Variants in OPN5 observed in about 807,000 individuals in gnomAD.
The protein encoded by OPN5 is opsin-5.
Under a neutral mutation model 41.7 loss-of-function variants are expected in OPN5, and 18 were observed. The observed-to-expected ratio is 0.43, with a 90% CI of 0.30 to 0.64. OPN5 has a LOEUF of 0.64. Among genes scored for constraint, OPN5 ranks in the 30% least tolerant of loss-of-function variants. The pLI is 0.13. For missense variants in OPN5, 318 were observed against 434.5 expected, an observed-to-expected ratio of 0.73 and a Z score of 2.38; for synonymous variants, 178 against 164.3, an observed-to-expected ratio of 1.08 and a Z score of -0.64.
At chr6:47,813,299 C>T (rs777549318) in intron 6 of OPN5, among the ~76,000 whole-genome samples, 1 of 152,188 alleles carries the variant, frequency 6.6e-6, no homozygotes, top group South Asian at 2.1e-4. Context: ...GGTTTGCACC[C>T]CTCCTCTGTG....
intron 4 of OPN5, among the ~76,000 whole-genome samples, chr6:47,800,029 C>T (rs1290348789): frequency 6.6e-6 from 1 of 152,062 alleles, no homozygotes; most frequent in African/African-American, 2.4e-5. Flanking sequence ...AACTTAGAAG[C>T]TGGGAAATGA....
intron 6 of OPN5, chr6:47,823,271 A>T (rs1762689284): frequency 6.6e-6 from 1 of 152,274 alleles, no homozygotes; most frequent in African/African-American, 2.4e-5. Context: ...CTTAAAGAAC[A>T]GATTAAGTTT....
chr6:47,784,653 G>A (rs762484873), intron 1 of OPN5, among the ~76,000 whole-genome samples: 1 of 152,152 alleles, frequency 6.6e-6, no homozygotes, highest in Non-Finnish European at 1.5e-5. Context: ...AACATTCTTG[G>A]TGGGCTTTGT....
At chr6:47,787,312 C>G (rs1236362251) in intron 2 of OPN5, 2 of 240,438 alleles carry the variant, frequency 8.3e-6, no homozygotes, top group South Asian at 1.5e-4. Context: ...AAATTGAGAA[C>G]CACTGGCTTC....
intron 4 of OPN5, among the ~76,000 whole-genome samples, chr6:47,803,962 G>A (rs1773868411): frequency 6.6e-6 from 1 of 152,160 alleles, no homozygotes; most frequent in Non-Finnish European, 1.5e-5. Flanking sequence ...ATTACCTGCT[G>A]GAATGCTTCA....
chr6:47,795,495 T>A (rs1471692820), exon 4 of OPN5: 5 of 1,614,120 alleles, frequency 3.1e-6, no homozygotes, highest in East Asian at 4.5e-5. Flanking sequence ...TAAGTCCTCT[T>A]CCAAAGAAGT....
chr6:47,794,330 A>G (rs765649437), intron 3 of OPN5, among the ~76,000 whole-genome samples: 9 of 152,210 alleles, frequency 5.9e-5, no homozygotes, highest in Non-Finnish European at 1.3e-4. Flanking sequence ...GGCAGTAAAG[A>G]GTCACTTTCC....
Position 47,808,402 on chromosome 6 carries a change from C to G in OPN5, c.998+7C>G, listed in dbSNP as rs1184069548. 4 of 1,613,684 alleles carry G rather than the reference C, an allele frequency of 2.5e-6. No homozygotes were observed. In the Admixed American group the frequency reaches 5.0e-5, roughly 20 times the overall value. ...AGTCTCTGGAAGGCTTCAGGTAAAA[C>G]TTCAGAAGCTGGAAATGAATTACAC... On this transcript the variant is annotated splice_region_variant and intron_variant, in intron 5 of 6. Transcript: ENST00000371211.
chr6:47,790,674 A>C (rs1053122397), intron 2 of OPN5, among the ~76,000 whole-genome samples: 1 of 152,208 alleles, frequency 6.6e-6, no homozygotes, highest in African/African-American at 2.4e-5. Context: ...AGTTGTCTAC[A>C]TCATTCTTTA....
chr6:47,787,730 C>T (rs569830800), intron 2 of OPN5, among the ~76,000 whole-genome samples: 2 of 152,176 alleles, frequency 1.3e-5, no homozygotes, highest in African/African-American at 4.8e-5. Context: ...AGTGGGACTT[C>T]ATCTCTACAA....
At chr6:47,794,616 G>C (rs991653390) in intron 3 of OPN5, 1 of 152,200 alleles carries the variant, frequency 6.6e-6, no homozygotes, top group Non-Finnish European at 1.5e-5. Context: ...AACCTACCTA[G>C]ATTCTCTGCC....
intron 4 of OPN5, among the ~76,000 whole-genome samples, chr6:47,796,498 A>G (rs897079705): frequency 2.0e-5 from 3 of 152,196 alleles, no homozygotes; most frequent in African/African-American, 7.2e-5. Flanking sequence ...AATACCATCA[A>G]GCTTTGTATT....
intron 4 of OPN5, among the ~76,000 whole-genome samples, chr6:47,804,916 G>A (rs1304208965): frequency 1.3e-5 from 2 of 152,124 alleles, no homozygotes; most frequent in Admixed American, 1.3e-4. Flanking sequence ...TAGAAAACAC[G>A]TAAAATGTAG....
intron 4 of OPN5, among the ~76,000 whole-genome samples, chr6:47,796,700 T>C (rs9463356): frequency 0.15 from 22,369 of 152,130 alleles, 1,761 homozygotes; most frequent in Middle Eastern, 0.17. Flanking sequence ...AAACACAGTT[T>C]CCCCCAGATA....
chr6:47,825,423 C>A (rs570541440), downstream of OPN5: 1 of 152,240 alleles, frequency 6.6e-6, no homozygotes, highest in South Asian at 2.1e-4. Flanking sequence ...AGAGAATTTT[C>A]TTAATGTAAT....
intron 4 of OPN5, among the ~76,000 whole-genome samples, chr6:47,799,312 C>T (rs1056263488): frequency 2.0e-5 from 3 of 151,948 alleles, no homozygotes; most frequent in Non-Finnish European, 2.9e-5. Context: ...TCTATGCTTG[C>T]ATTTGACCTT....
chr6:47,813,160 A>T (rs759461113), intron 6 of OPN5, among the ~76,000 whole-genome samples: 2 of 152,172 alleles, frequency 1.3e-5, no homozygotes, highest in Non-Finnish European at 2.9e-5. Context: ...CAAAGTCTGG[A>T]GAAAAGAAGA....
At chr6:47,782,032 T>C (rs1356869229), upstream of OPN5, 1 of 1,602,490 alleles carries the variant, frequency 6.2e-7, no homozygotes, top group South Asian at 1.1e-5. Flanking sequence ...TCTCTACTGG[T>C]TTGCTTTTCA....
At chr6:47,788,467 G>C (rs956488765) in intron 2 of OPN5, among the ~76,000 whole-genome samples, 1 of 152,178 alleles carries the variant, frequency 6.6e-6, no homozygotes. Context: ...CTCTAGAATG[G>C]TGCAAACCAC....
Sources: gnomAD v4.1 joint callset for allele counts (sites outside exome capture counted in the v4.1 genomes callset) on GRCh38, gnomAD v4.1.1 for gene constraint, MANE v1.5 for transcripts, NCBI Gene and HGNC (gene_info 2026-07-23, HGNC 2026-07-21) for gene names.